MSI2: variants seen among roughly 807,000 people sequenced by gnomAD.
MSI2 encodes musashi RNA binding protein 2.
Under a neutral mutation model 45.6 loss-of-function variants are expected in MSI2, and 17 were observed. That is an observed-to-expected ratio of 0.37 (90% CI 0.26 to 0.56). The LOEUF is 0.56. Ranked by LOEUF, MSI2 falls within the 20% of genes least tolerant of loss-of-function variation. The pLI, the probability that MSI2 is intolerant of heterozygous loss-of-function variation, is 0.77. For synonymous variants in MSI2, 156 were observed against 158.2 expected (o/e 0.99, Z 0.11); for missense variants, 293 against 444.2 (o/e 0.66, Z 3.06).
chr17:57,311,415 G>A (rs908458014), intron 5 of MSI2, among the ~76,000 whole-genome samples: 2 of 152,200 alleles, frequency 1.3e-5, no homozygotes, highest in Non-Finnish European at 2.9e-5. Context: ...TCTACATGCG[G>A]TAAAACACTC....
intron 5 of MSI2, among the ~76,000 whole-genome samples, chr17:57,322,512 C>T (rs1913431061): frequency 6.6e-6 from 1 of 152,050 alleles, no homozygotes; most frequent in Admixed American, 6.6e-5. Flanking sequence ...ATAATTCAGT[C>T]ATTGTAAATT....
At chr17:57,358,204 GGTGTGTGT>G (rs1295831661) in intron 5 of MSI2, among the ~76,000 whole-genome samples, 3 of 72,466 alleles carry the variant, frequency 4.1e-5, no homozygotes, top group African/African-American at 1.7e-4. Flanking sequence ...TGTGTGGGGG[GGTGTGTGT>G]GTGTGTGTGT....
At chr17:57,282,757 C>T (rs1391019250) in intron 5 of MSI2, among the ~76,000 whole-genome samples, 1 of 143,926 alleles carries the variant, frequency 6.9e-6, no homozygotes, top group African/African-American at 2.6e-5. Flanking sequence ...AGTCTTTTAC[C>T]TCCGTGACAA....
intron 5 of MSI2, among the ~76,000 whole-genome samples, chr17:57,387,236 A>G (rs2083702297): frequency 6.6e-6 from 1 of 152,266 alleles, no homozygotes; most frequent in Admixed American, 6.5e-5. Flanking sequence ...CATCATGGCT[A>G]TAAAACATCT....
chr17:57,552,788 A>G lies in MSI2; in HGVS notation c.454+23064A>G, dbSNP rs542388446. Among the ~76,000 whole-genome samples the G allele has an allele frequency of 2.0e-5, 3 of 152,296 alleles. No homozygotes were observed. The East Asian group carries it at 5.8e-4, about 29-fold the overall frequency. On this transcript the variant is annotated intron_variant, in intron 7 of 13. Transcript: ENST00000284073. The surrounding 1 kb of genome is among the most constrained non-coding windows in gnomAD (Gnocchi z 4.3). Reference sequence around the variant, plus strand: ...TCATGCTCTTAGTTTCCAGTTTTATATGTGCTTAAGCATTATAAGACACCT... The same window carrying G: ...TCATGCTCTTAGTTTCCAGTTTTATGTGTGCTTAAGCATTATAAGACACCT...
chr17:57,306,399 T>TCACAAAAC (rs1206314415), intron 5 of MSI2, among the ~76,000 whole-genome samples: 1 of 152,190 alleles, frequency 6.6e-6, no homozygotes, highest in Non-Finnish European at 1.5e-5. Context: ...GACCTTACAG[T>TCACAAAAC]GATTAAGTCA....
chr17:57,295,016 G>A (rs923309841), intron 5 of MSI2, among the ~76,000 whole-genome samples: 3 of 152,122 alleles, frequency 2.0e-5, no homozygotes, highest in Non-Finnish European at 2.9e-5. Flanking sequence ...GCAGAGAGTC[G>A]TTTCTGGGGA....
At chr17:57,700,785 C>G in the MSI2 span, among the ~76,000 whole-genome samples, 2 of 151,948 alleles carry the variant, frequency 1.3e-5, no homozygotes, top group Non-Finnish European at 2.9e-5. Flanking sequence ...GCCTGTAATC[C>G]CAGCTACTCA....
intron 7 of MSI2, among the ~76,000 whole-genome samples, chr17:57,587,812 T>C (rs1189849666): frequency 6.6e-6 from 1 of 152,222 alleles, no homozygotes; most frequent in Non-Finnish European, 1.5e-5. Flanking sequence ...GTTTCTCTCC[T>C]CATTATTAAG....
At chr17:57,374,189 T>C (rs1598184355) in intron 5 of MSI2, among the ~76,000 whole-genome samples, 1 of 152,310 alleles carries the variant, frequency 6.6e-6, no homozygotes, top group South Asian at 2.1e-4. Flanking sequence ...ATAGCGTCAA[T>C]AGGGTGGCAG....
intron 10 of MSI2, among the ~76,000 whole-genome samples, chr17:57,643,975 T>G (rs547595801): frequency 9.2e-5 from 14 of 152,192 alleles, no homozygotes; most frequent in Non-Finnish European, 2.1e-4. Context: ...GAGGGACAGA[T>G]GACAGGTTCC....
intron 6 of MSI2, among the ~76,000 whole-genome samples, chr17:57,454,655 T>C (rs1336774270): frequency 6.6e-6 from 1 of 152,178 alleles, no homozygotes; most frequent in African/African-American, 2.4e-5. Context: ...CAGCATGGTC[T>C]CGATCTCCTG....
intron 6 of MSI2, chr17:57,449,556 A>G (rs765263291): frequency 5.3e-5 from 8 of 152,138 alleles, no homozygotes; most frequent in Non-Finnish European, 1.0e-4. Context: ...TTGATCGTAG[A>G]CACATAGGTT....
Position 57,372,275 on chromosome 17 carries a change from C to G in MSI2, c.313-29104C>G, listed in dbSNP as rs972104027. 3.9e-5 allele frequency among the ~76,000 whole-genome samples: 6 copies of G among 152,116 alleles called. No individual in the cohort carries two copies. The South Asian group carries it at 1.0e-3, about 26-fold the overall frequency. ...ACTTATCTTCAACACACTGACCTAC[C>G]CACCTGTGTATCTTATTTGGTTAAC... On this transcript the variant is annotated intron_variant, in intron 5 of 13. Transcript: ENST00000284073.
At chr17:57,676,911 A>G (rs1243293701) in intron 12 of MSI2, 76 bp from the exon 13 acceptor site, 5 of 953,596 alleles carry the variant, frequency 5.2e-6, no homozygotes, top group Admixed American at 1.7e-5. Flanking sequence ...TCCTAGAGAT[A>G]ATTTCCTTTC....
chr17:57,375,538 G>C (rs895018844), intron 5 of MSI2, among the ~76,000 whole-genome samples: 3 of 152,226 alleles, frequency 2.0e-5, no homozygotes, highest in Non-Finnish European at 4.4e-5. Context: ...GGATCACGGC[G>C]TGGGGAGTGG....
At chr17:57,374,322 C>T (rs2083462275) in intron 5 of MSI2, among the ~76,000 whole-genome samples, 1 of 152,218 alleles carries the variant, frequency 6.6e-6, no homozygotes, top group South Asian at 2.1e-4. Context: ...AAATCCAATT[C>T]CAACTTGAGT....
chr17:57,486,854 G>C (rs750211289), intron 6 of MSI2, among the ~76,000 whole-genome samples: 6 of 152,270 alleles, frequency 3.9e-5, no homozygotes, highest in Middle Eastern at 3.4e-3. Context: ...CTCCACGAAG[G>C]CTGCAAAGAT....
chr17:57,545,324 C>T (rs1251124099), intron 7 of MSI2, among the ~76,000 whole-genome samples: 1 of 152,168 alleles, frequency 6.6e-6, no homozygotes, highest in Non-Finnish European at 1.5e-5. Flanking sequence ...ATGTCCTTTG[C>T]TATGAATTGG....
Sources: gnomAD v4.1 joint callset for allele counts (sites outside exome capture counted in the v4.1 genomes callset) on GRCh38, gnomAD v4.1.1 for gene constraint, Gnocchi (gnomAD v3.1) non-coding constraint, MANE v1.5 for transcripts, NCBI Gene and HGNC (gene_info 2026-07-23, HGNC 2026-07-21) for gene names.